TNNI3K: variants seen among roughly 807,000 people sequenced by gnomAD.
TNNI3K encodes serine/threonine-protein kinase TNNI3K.
In TNNI3K, 140 loss-of-function variants were observed where a neutral mutation model predicts 114.5. The observed-to-expected ratio is 1.22, with a 90% confidence interval of 1.07 to 1.41. The LOEUF (loss-of-function observed/expected upper bound fraction) is 1.41, where lower values mean the gene tolerates loss of function less well. Ranked by LOEUF, TNNI3K falls within the 40% of genes most tolerant of loss-of-function variation. The pLI is 0.00. For missense variants in TNNI3K, 1,125 were observed against 1,007.6 expected (o/e 1.12, Z -1.58); for synonymous variants, 347 against 347.5 (o/e 1.00, Z 0.02).
intron 24 of TNNI3K, among the ~76,000 whole-genome samples, chr1:74,541,810 G>A (rs555613867): frequency 1.3e-5 from 2 of 152,128 alleles, no homozygotes; most frequent in African/African-American, 2.4e-5. Context: ...AGATACATTC[G>A]ATATCTCCCA....
At chr1:74,423,749 TATCA>T (rs1445494446) in intron 17 of TNNI3K, among the ~76,000 whole-genome samples, 2 of 152,156 alleles carry the variant, frequency 1.3e-5, no homozygotes, top group Non-Finnish European at 2.9e-5. Context: ...TTCTAAGCAC[TATCA>T]GAGTTATTCA....
chr1:74,315,115 A>G (rs991281968), intron 5 of TNNI3K, among the ~76,000 whole-genome samples: 12 of 152,182 alleles, frequency 7.9e-5, no homozygotes, highest in Admixed American at 7.9e-4. Context: ...TGATTTGCAT[A>G]CAAGTTATTC....
intron 4 of TNNI3K, among the ~76,000 whole-genome samples, chr1:74,253,361 A>G (rs1655066066): frequency 6.6e-6 from 1 of 152,084 alleles, no homozygotes; most frequent in Admixed American, 6.5e-5. Flanking sequence ...TTGGGCAGTC[A>G]ATGGGATGGG....
chr1:74,259,521 C>T (rs1420030545), intron 4 of TNNI3K, among the ~76,000 whole-genome samples: 3 of 152,160 alleles, frequency 2.0e-5, no homozygotes, highest in African/African-American at 7.2e-5. Flanking sequence ...GTGGCTCATG[C>T]CTGTAATCCC....
intron 20 of TNNI3K, among the ~76,000 whole-genome samples, chr1:74,444,812 T>A (rs1666557055): frequency 2.7e-5 from 4 of 149,402 alleles, no homozygotes; most frequent in Admixed American, 6.6e-5. Flanking sequence ...AACATCATGG[T>A]ACTGGGAAAA....
chr1:74,339,806 G>GA (rs376171489), intron 7 of TNNI3K, among the ~76,000 whole-genome samples: 18 of 149,370 alleles, frequency 1.2e-4, no homozygotes, highest in African/African-American at 2.0e-4. Context: ...GACTGAATAA[G>GA]AAAAAAAAAT....
chr1:74,374,458 T>TAAC (rs1042892286), intron 17 of TNNI3K: 2 of 151,890 alleles, frequency 1.3e-5, no homozygotes, highest in Non-Finnish European at 2.9e-5. Context: ...TCTTCTACTG[T>TAAC]AACAACAACA....
chr1:74,522,272 T>C lies in TNNI3K; in HGVS notation c.2352-17962T>C, dbSNP rs17095511. On this transcript the variant is annotated intron_variant, in intron 23 of 24. Coordinates refer to ENST00000326637, the MANE Select transcript of TNNI3K (RefSeq NM_015978.3). ...AGGACAGATCTGCTCTTGGAGCTGC[T>C]GCTTGTACTTGCTAAGAGCCAGAAT... Among the ~76,000 whole-genome samples, 1,211 of 152,294 alleles carry C rather than the reference T, an allele frequency of 8.0e-3. 19 individuals carry two copies. The highest frequency in any genetic ancestry group is 0.027 in the African/African-American group (1,113 of 41,558).
intron 17 of TNNI3K, among the ~76,000 whole-genome samples, chr1:74,422,858 G>A (rs1355742001): frequency 1.3e-5 from 2 of 152,092 alleles, no homozygotes; most frequent in African/African-American, 2.4e-5. Context: ...ATAGCTCGTA[G>A]ACATCTTTAG....
chr1:74,253,245 C>G (rs1163993076), intron 4 of TNNI3K, among the ~76,000 whole-genome samples: 1 of 152,176 alleles, frequency 6.6e-6, no homozygotes, highest in Non-Finnish European at 1.5e-5. Flanking sequence ...CTCCAAGTCC[C>G]CACTAGACTC....
chr1:74,482,588 C>A (rs141162824), intron 21 of TNNI3K, among the ~76,000 whole-genome samples: 2 of 152,066 alleles, frequency 1.3e-5, no homozygotes, highest in Admixed American at 1.3e-4. Flanking sequence ...AAGAAATTAT[C>A]CTCTTCCACT....
chr1:74,305,277 A>G (rs1198303361), intron 5 of TNNI3K, among the ~76,000 whole-genome samples: 1 of 152,190 alleles, frequency 6.6e-6, no homozygotes, highest in Non-Finnish European at 1.5e-5. Context: ...ACCGCACTGT[A>G]GAAGCCTACT....
chr1:74,267,858 A>G (rs981647012), intron 4 of TNNI3K, among the ~76,000 whole-genome samples: 1 of 151,940 alleles, frequency 6.6e-6, no homozygotes, highest in African/African-American at 2.4e-5. Flanking sequence ...AAATTCCACA[A>G]ATATTGACTG....
At chr1:74,292,440 T>A (rs1339554453) in intron 5 of TNNI3K, among the ~76,000 whole-genome samples, 1 of 151,596 alleles carries the variant, frequency 6.6e-6, no homozygotes, top group Non-Finnish European at 1.5e-5. Context: ...CATTTTTCCT[T>A]CTACTAGAAA....
intron 23 of TNNI3K, among the ~76,000 whole-genome samples, chr1:74,508,238 T>C (rs1289845173): frequency 6.6e-6 from 1 of 152,228 alleles, no homozygotes; most frequent in Non-Finnish European, 1.5e-5. Context: ...GTAACAAACC[T>C]GCACCTTGTG....
chr1:74,394,960 C>T (rs937997669), intron 17 of TNNI3K, among the ~76,000 whole-genome samples: 7 of 151,506 alleles, frequency 4.6e-5, no homozygotes, highest in Non-Finnish European at 8.8e-5. Flanking sequence ...AGGAGAATAG[C>T]GTGAACCCGG....
At chr1:74,490,597 GT>G (rs1669018972) in intron 22 of TNNI3K, among the ~76,000 whole-genome samples, 2 of 152,188 alleles carry the variant, frequency 1.3e-5, no homozygotes. Flanking sequence ...TGCTGACAGA[GT>G]TTGCTGGACT....
intron 5 of TNNI3K, among the ~76,000 whole-genome samples, chr1:74,283,324 C>T (rs1043649327): frequency 6.6e-6 from 1 of 152,232 alleles, no homozygotes; most frequent in African/African-American, 2.4e-5. Context: ...GGCTTTTGGT[C>T]TGGAGATAAA....
intron 5 of TNNI3K, among the ~76,000 whole-genome samples, chr1:74,304,157 G>A (rs1658486057): frequency 6.6e-6 from 1 of 152,228 alleles, no homozygotes; most frequent in African/African-American, 2.4e-5. Context: ...GGAAGTGCTT[G>A]AGAGAATTGA....
Sources: gnomAD v4.1 joint callset for allele counts (sites outside exome capture counted in the v4.1 genomes callset) on GRCh38, gnomAD v4.1.1 for gene constraint, MANE v1.5 for transcripts, NCBI Gene and HGNC (gene_info 2026-07-23, HGNC 2026-07-21) for gene names.